MEIS2: variants seen among roughly 807,000 people sequenced by gnomAD.
MEIS2 encodes the protein Meis homeobox 2.
In MEIS2, 9 loss-of-function variants were observed where a neutral mutation model predicts 58.6. The ratio of observed to expected loss-of-function variants is 0.15; its 90% CI spans 0.09 to 0.27. MEIS2 has a LOEUF of 0.27. MEIS2 is among the 10% of genes least tolerant of loss of function. The pLI, the probability that MEIS2 is intolerant of heterozygous loss-of-function variation, is 1.00. For synonymous variants in MEIS2, 221 were observed against 228.4 expected, an observed-to-expected ratio of 0.97 and a Z score of 0.29; for missense variants, 427 against 635.0, an observed-to-expected ratio of 0.67 and a Z score of 3.52.
intron 8 of MEIS2, among the ~76,000 whole-genome samples, chr15:37,019,432 G>A (rs1302720955): frequency 6.6e-6 from 1 of 152,120 alleles, no homozygotes; most frequent in African/African-American, 2.4e-5. Context: ...ACCAAGCTAT[G>A]TCAATGGAAT....
At chr15:37,066,811 C>G (rs1889994733) in intron 7 of MEIS2, among the ~76,000 whole-genome samples, 1 of 152,136 alleles carries the variant, frequency 6.6e-6, no homozygotes, top group African/African-American at 2.4e-5. Flanking sequence ...TGGTCTCACT[C>G]TGTTGCCCAG....
At chr15:37,047,791 G>A (rs905361388) in intron 7 of MEIS2, among the ~76,000 whole-genome samples, 1 of 152,196 alleles carries the variant, frequency 6.6e-6, no homozygotes, top group African/African-American at 2.4e-5. Context: ...AGTACAAATT[G>A]TGAAAATTAT....
chr15:37,039,638 T>C lies in MEIS2; in HGVS notation c.755-2679A>G, dbSNP rs115727742. On this transcript the variant is annotated intron_variant, in intron 7 of 11. Coordinates refer to ENST00000561208, the MANE Select transcript of MEIS2 (RefSeq NM_170675.5). The stretch of plus-strand genomic sequence containing the variant: ...TATTTAGTGCAAGAAAAAATATAGC[T>C]AGATTGAGCATCCTTTGATGACTGA... Among the ~76,000 whole-genome samples, 681 of 152,288 alleles carry C rather than the reference T, an allele frequency of 4.5e-3. 8 individuals are homozygous for C. The highest frequency in any genetic ancestry group is 0.016 in the African/African-American group (647 of 41,556).
In MEIS2 at chr15:37,098,134, G is replaced by A. The variant is rs1205922567; in HGVS notation, c.78C>T (p.Asp26=). 1.9e-6 allele frequency: 3 copies of A among 1,613,328 alleles called. No homozygotes were observed. The highest frequency in any genetic ancestry group is 2.5e-6 in the Non-Finnish European group (3 of 1,179,804). ...GGGGGATCGGCCGCGGCGCGTGAGG[G>A]TCTCCGTACATGGAAGCGGGAACCC... The part of the protein sequence containing the change: ...GVGVPASMYG[D]PHAPRPIPPV... The change falls in exon 2 of 12, where the codon GAC becomes GAT. Residue 26 remains aspartate (D), a synonymous_variant. Transcript: ENST00000561208.
chr15:36,969,244 G>C (rs2059454547), intron 8 of MEIS2, among the ~76,000 whole-genome samples: 1 of 152,190 alleles, frequency 6.6e-6, no homozygotes, highest in South Asian at 2.1e-4. Context: ...AGGAAATGTA[G>C]ATAAAAATGA....
At chr15:37,032,420 C>G (rs148592667) in intron 8 of MEIS2, among the ~76,000 whole-genome samples, 1 of 152,234 alleles carries the variant, frequency 6.6e-6, no homozygotes, top group East Asian at 1.9e-4. Context: ...CTTGCTGTTT[C>G]TTTCTTTATC....
intron 8 of MEIS2, among the ~76,000 whole-genome samples, chr15:37,003,157 C>T (rs952749748): frequency 6.6e-6 from 1 of 150,772 alleles, no homozygotes. Context: ...GATTATTCTG[C>T]CCTTTTAGCA....
intron 7 of MEIS2, among the ~76,000 whole-genome samples, chr15:37,046,828 GT>G (rs2062692566): frequency 1.7e-5 from 1 of 60,302 alleles, no homozygotes; most frequent in African/African-American, 4.9e-5. Context: ...GGTTATTCTC[GT>G]TTAAAAAATA....
intron 8 of MEIS2, among the ~76,000 whole-genome samples, chr15:37,033,331 G>A (rs2062007272): frequency 6.6e-6 from 1 of 152,126 alleles, no homozygotes; most frequent in Non-Finnish European, 1.5e-5. Context: ...GTCAAAATGG[G>A]CCAATGGCCC....
intron 6 of MEIS2, 94 bp from the exon 7 acceptor site, chr15:37,083,979 G>A (rs1596101714): frequency 4.0e-6 from 4 of 1,006,374 alleles, no homozygotes; most frequent in African/African-American, 1.6e-5. Flanking sequence ...ACAAAAAAAT[G>A]TATACATATT....
chr15:37,071,639 C>A (rs1457936407), intron 7 of MEIS2, among the ~76,000 whole-genome samples: 1 of 151,886 alleles, frequency 6.6e-6, no homozygotes, highest in East Asian at 1.9e-4. Flanking sequence ...TCATTTAATC[C>A]CTACTTTCCA....
intron 7 of MEIS2, among the ~76,000 whole-genome samples, chr15:37,043,971 C>T (rs2062555144): frequency 6.6e-6 from 1 of 152,104 alleles, no homozygotes; most frequent in Non-Finnish European, 1.5e-5. Flanking sequence ...CAGGCGTGAG[C>T]CACTGTGCCT....
chr15:36,905,677 T>C (rs1274268559), intron 9 of MEIS2, among the ~76,000 whole-genome samples: 1 of 152,224 alleles, frequency 6.6e-6, no homozygotes, highest in Non-Finnish European at 1.5e-5. Flanking sequence ...TAGTAATCTA[T>C]CTATGTGTCA....
chr15:37,090,409 C>T (rs2141940532), intron 6 of MEIS2, among the ~76,000 whole-genome samples: 1 of 152,168 alleles, frequency 6.6e-6, no homozygotes, highest in South Asian at 2.1e-4. Context: ...TTGTCTTCTT[C>T]TAATGCATCT....
chr15:37,064,024 G>A (rs556126910), intron 7 of MEIS2, among the ~76,000 whole-genome samples: 27 of 152,240 alleles, frequency 1.8e-4, no homozygotes, highest in African/African-American at 6.0e-4. Flanking sequence ...TGATCAGAAG[G>A]ATTTTATGGT....
intron 6 of MEIS2, among the ~76,000 whole-genome samples, chr15:37,089,236 A>G (rs1893243877): frequency 6.6e-6 from 1 of 152,166 alleles, no homozygotes; most frequent in South Asian, 2.1e-4. Flanking sequence ...ATAAGAAACT[A>G]GCAAATAAAA....
intron 9 of MEIS2, among the ~76,000 whole-genome samples, chr15:36,948,065 A>G (rs1207311111): frequency 1.3e-5 from 2 of 151,942 alleles, no homozygotes; most frequent in Non-Finnish European, 2.9e-5. Context: ...TATCAAAGTT[A>G]CGGTAGCCGT....
intron 9 of MEIS2, among the ~76,000 whole-genome samples, chr15:36,937,275 C>T (rs763523662): frequency 1.1e-4 from 16 of 152,292 alleles, no homozygotes; most frequent in Middle Eastern, 3.4e-3. Context: ...TCTAGAGTCA[C>T]TCTAGACAAC....
intron 8 of MEIS2, among the ~76,000 whole-genome samples, chr15:36,957,950 C>T (rs543840927): frequency 1.2e-4 from 18 of 152,196 alleles, no homozygotes; most frequent in African/African-American, 4.1e-4. Context: ...TACTTTTCAT[C>T]CAGATGTTTG....
Sources: gnomAD v4.1 joint callset for allele counts (sites outside exome capture counted in the v4.1 genomes callset) on GRCh38, gnomAD v4.1.1 for gene constraint, MANE v1.5 for transcripts, NCBI Gene and HGNC (gene_info 2026-07-23, HGNC 2026-07-21) for gene names.